Variants in FOXP2 observed in about 807,000 individuals in gnomAD.
FOXP2 encodes the protein forkhead box P2.
A neutral mutation model predicts 115.8 loss-of-function variants in FOXP2; 12 were observed. The observed-to-expected ratio is 0.10, with a 90% CI of 0.07 to 0.17. The LOEUF is 0.17. Among genes scored for constraint, FOXP2 ranks in the 10% least tolerant of loss-of-function variants. FOXP2 has a pLI of 1.00. For missense variants in FOXP2, 629 were observed against 843.5 expected (o/e 0.75, Z 3.15); for synonymous variants, 328 against 297.7 (o/e 1.10, Z -1.05).
At chr7:114,469,793 A>G (rs1332959151) in intron 2 of FOXP2, among the ~76,000 whole-genome samples, 1 of 152,204 alleles carries the variant, frequency 6.6e-6, no homozygotes, top group Non-Finnish European at 1.5e-5. Flanking sequence ...AATATAAAAG[A>G]TATTAAAATA....
At chr7:114,511,034 G>C (rs1798042271) in intron 2 of FOXP2, among the ~76,000 whole-genome samples, 1 of 152,148 alleles carries the variant, frequency 6.6e-6, no homozygotes, top group Non-Finnish European at 1.5e-5. Flanking sequence ...CATGAAAAAG[G>C]ATGCATTCAT....
chr7:114,679,991 AT>A lies in FOXP2; in HGVS notation c.2004-9782del, dbSNP rs201295799. Among the ~76,000 whole-genome samples the A allele has an allele frequency of 5.1e-3, 780 of 151,706 alleles. 6 individuals carry two copies. Among genetic ancestry groups the A allele is most frequent in the African/African-American group, 0.018 (735 of 41,376 alleles). On this transcript the variant is annotated intron_variant, in intron 16 of 16. Coordinates refer to ENST00000350908, the MANE Select transcript of FOXP2 (RefSeq NM_014491.4). The stretch of plus-strand genomic sequence containing the variant: ...TTTACACACAATGTCTATTGACTGG[AT>A]TTTTTTTTCCACTTCTAACAAGAAG...
chr7:114,626,447 C>T (rs999293147), intron 3 of FOXP2, among the ~76,000 whole-genome samples: 2 of 151,640 alleles, frequency 1.3e-5, no homozygotes, highest in African/African-American at 2.4e-5. Context: ...ATAATTAAAA[C>T]GCTATATACT....
chr7:114,653,827 A>T (rs1806422777), intron 9 of FOXP2, 99 bp from the exon 10 acceptor site: 3 of 1,292,134 alleles, frequency 2.3e-6, no homozygotes, highest in Non-Finnish European at 1.1e-6. Context: ...TGCAGGAATC[A>T]TTATTCTGAG....
chr7:114,247,907 G>A (rs2129168840), intron 1 of FOXP2, among the ~76,000 whole-genome samples: 2 of 152,204 alleles, frequency 1.3e-5, no homozygotes, highest in South Asian at 4.2e-4. Context: ...AGGTAAACGT[G>A]CATGCGGATG....
At chr7:114,574,672 A>G (rs1393287874) in intron 3 of FOXP2, among the ~76,000 whole-genome samples, 1 of 151,874 alleles carries the variant, frequency 6.6e-6, no homozygotes, top group African/African-American at 2.4e-5. Flanking sequence ...TCTTATTGTT[A>G]GTGTTGCCTA....
chr7:114,262,971 T>A (rs1050198970), intron 1 of FOXP2, among the ~76,000 whole-genome samples: 2 of 152,226 alleles, frequency 1.3e-5, no homozygotes, highest in South Asian at 4.1e-4. Context: ...CTGCTCATTT[T>A]TCTCTTATCC....
intron 2 of FOXP2, chr7:114,297,095 A>AG (rs1796757271): frequency 2.4e-6 from 1 of 412,866 alleles, no homozygotes; most frequent in Admixed American, 3.1e-5. Context: ...TTTCAGGGAG[A>AG]GGGCAGGGCA....
At chr7:114,210,172 G>A (rs932399017) in intron 1 of FOXP2, among the ~76,000 whole-genome samples, 1 of 152,142 alleles carries the variant, frequency 6.6e-6, no homozygotes, top group Non-Finnish European at 1.5e-5. Context: ...TGTGCCCCCT[G>A]CTGGAGAGGT....
intron 2 of FOXP2, among the ~76,000 whole-genome samples, chr7:114,300,690 A>C (rs1357784125): frequency 2.6e-5 from 4 of 152,070 alleles, no homozygotes; most frequent in Non-Finnish European, 4.4e-5. Flanking sequence ...CAGAATTTTA[A>C]TACCTGTAAA....
At chr7:114,252,149 T>C (rs185315088) in intron 1 of FOXP2, among the ~76,000 whole-genome samples, 1 of 152,310 alleles carries the variant, frequency 6.6e-6, no homozygotes, top group East Asian at 1.9e-4. Context: ...GCTCTCTTGA[T>C]CATGGTGGAT....
intron 3 of FOXP2, among the ~76,000 whole-genome samples, chr7:114,574,057 T>C (rs1801453022): frequency 6.6e-6 from 1 of 151,810 alleles, no homozygotes; most frequent in Non-Finnish European, 1.5e-5. Flanking sequence ...TCTATTACAT[T>C]GTTGAACAGT....
At chr7:114,431,564 T>G (rs1794113320) in intron 2 of FOXP2, among the ~76,000 whole-genome samples, 1 of 151,950 alleles carries the variant, frequency 6.6e-6, no homozygotes. Flanking sequence ...TTATGTTAAG[T>G]TCACATTATT....
At chr7:114,549,724 T>A (rs1800106063) in intron 3 of FOXP2, among the ~76,000 whole-genome samples, 1 of 152,196 alleles carries the variant, frequency 6.6e-6, no homozygotes, top group Admixed American at 6.5e-5. Flanking sequence ...TAAAATGAAC[T>A]TAGTCCATCT....
rs145819962 is a variant in FOXP2, at chr7:114,575,736, G to A, written c.258+41030G>A. Among the ~76,000 whole-genome samples the A allele has an allele frequency of 3.3e-5, 5 of 151,962 alleles. No individual in the cohort carries two copies. The East Asian group carries it at 9.7e-4, about 29-fold the overall frequency. On this transcript the variant is annotated intron_variant, in intron 3 of 16. Transcript: ENST00000350908. ...GATACAAAGTTAGGAAATACATGCA[G>A]CAATGTTGAATTGCCTCTACTTTTT...
intron 2 of FOXP2, among the ~76,000 whole-genome samples, chr7:114,494,474 C>G (rs1797219369): frequency 6.6e-6 from 1 of 152,136 alleles, no homozygotes; most frequent in Admixed American, 6.6e-5. Context: ...TGCATGCCAC[C>G]ATGACCTGCT....
intron 1 of FOXP2, among the ~76,000 whole-genome samples, chr7:114,244,886 C>G (rs773813263): frequency 6.6e-6 from 1 of 151,880 alleles, no homozygotes; most frequent in Non-Finnish European, 1.5e-5. Flanking sequence ...CTCAGCCTCC[C>G]GAGTAGCTAG....
chr7:114,506,394 A>G (rs1252357594), intron 2 of FOXP2, among the ~76,000 whole-genome samples: 1 of 151,652 alleles, frequency 6.6e-6, no homozygotes, highest in Non-Finnish European at 1.5e-5. Context: ...GGTCTTAATC[A>G]TGGTACTCTT....
intron 1 of FOXP2, among the ~76,000 whole-genome samples, chr7:114,221,069 A>G (rs933176593): frequency 6.6e-6 from 1 of 152,170 alleles, no homozygotes; most frequent in African/African-American, 2.4e-5. Context: ...TTTTACAAAC[A>G]GTATTTTAAA....
Sources: allele counts gnomAD v4.1 joint callset (sites outside exome capture counted in the v4.1 genomes callset), GRCh38; gene constraint gnomAD v4.1.1; transcripts MANE v1.5; gene names NCBI Gene and HGNC (gene_info 2026-07-23, HGNC 2026-07-21).